Variants in DOCK8 observed in about 807,000 individuals in gnomAD.
DOCK8 encodes the protein dedicator of cytokinesis protein 8.
A neutral mutation model predicts 245.6 loss-of-function variants in DOCK8; 141 were observed. That is an observed-to-expected ratio of 0.57 (90% confidence interval 0.50 to 0.66). DOCK8 has a LOEUF of 0.66. DOCK8 is among the 30% of genes least tolerant of loss of function. The pLI is 0.00. For missense variants in DOCK8, 2,965 were observed against 2,603.4 expected, an observed-to-expected ratio of 1.14 and a Z score of -3.02; for synonymous variants, 1,168 against 970.2, an observed-to-expected ratio of 1.20 and a Z score of -3.79.
chr9:298,756 G>T (rs1029284090), intron 4 of DOCK8, among the ~76,000 whole-genome samples: 3 of 151,786 alleles, frequency 2.0e-5, no homozygotes, highest in Non-Finnish European at 4.4e-5. Flanking sequence ...TATAGTTCTG[G>T]TTGCTAAGCT....
Position 312,066 on chromosome 9 carries a change from T to C in DOCK8, c.641T>C (p.Leu214Pro). Residue 214 changes from leucine to proline, a missense_variant, in exon 6 of 48, where the codon CTG becomes CCG. By Grantham distance (98) the Leu-to-Pro change is moderately conservative. Around this residue, in one of 3 missense-constraint regions of DOCK8, gnomAD observed 2,825 missense variants for 2,453.5 expected, o/e 1.15. Transcript: ENST00000432829. ...CCTGACAAGCGGCTAGAAAACCTCCTGCAGCAAGTGAGTGCCGAGGACTTT... is the reference window on the plus strand; with the variant it reads ...CCTGACAAGCGGCTAGAAAACCTCCCGCAGCAAGTGAGTGCCGAGGACTTT... ...LQPDKRLENL[L>P]QQVSAEDFEK... 6.2e-7 allele frequency: 1 copy of C among 1,614,212 alleles called. No homozygotes were observed. Among genetic ancestry groups the C allele is most frequent in the Non-Finnish European group, 8.5e-7 (1 of 1,180,028 alleles).
At chr9:298,481 A>C (rs2049367018) in intron 4 of DOCK8, among the ~76,000 whole-genome samples, 1 of 152,216 alleles carries the variant, frequency 6.6e-6, no homozygotes, top group Admixed American at 6.5e-5. Flanking sequence ...GATACAGTGC[A>C]TGAACTTTTT....
intron 34 of DOCK8, 72 bp from the exon 35 acceptor site, chr9:428,290 C>A: frequency 6.2e-7 from 1 of 1,610,338 alleles, no homozygotes; most frequent in Non-Finnish European, 8.5e-7. Context: ...CATTACTGAG[C>A]TAATTGTCAG....
At chr9:290,593 C>T (rs1419827473) in intron 4 of DOCK8, among the ~76,000 whole-genome samples, 1 of 152,174 alleles carries the variant, frequency 6.6e-6, no homozygotes, top group Non-Finnish European at 1.5e-5. Context: ...TTTTTCTCTC[C>T]ATGCCATGGA....
At chr9:397,613 C>G (rs2054525550) in intron 25 of DOCK8, among the ~76,000 whole-genome samples, 1 of 151,510 alleles carries the variant, frequency 6.6e-6, no homozygotes, top group Non-Finnish European at 1.5e-5. Context: ...TCGCTTGAGC[C>G]CAGGAGGCGG....
Position 423,778 on chromosome 9 carries a change from C to T in DOCK8, c.4241+1643C>T, listed in dbSNP as rs544009558. 2.6e-5 allele frequency among the ~76,000 whole-genome samples: 4 copies of T among 152,246 alleles called. No homozygotes were observed. The East Asian group carries it at 7.7e-4, about 29-fold the overall frequency. ...TACTTCGGGCAATGAACAACAACTA[C>T]AAAATATGCATGCCGTGGGTGCTAC... On this transcript the variant is annotated intron_variant, in intron 33 of 47. Transcript: ENST00000432829.
intron 1 of DOCK8, among the ~76,000 whole-genome samples, chr9:239,317 A>C (rs948069913): frequency 2.0e-5 from 3 of 152,194 alleles, no homozygotes; most frequent in Non-Finnish European, 2.9e-5. Flanking sequence ...CCTGGAGCTC[A>C]CATTTTCTGG....
intron 39 of DOCK8, 102 bp from the exon 40 acceptor site, chr9:439,143 G>A: frequency 6.9e-7 from 1 of 1,454,016 alleles, no homozygotes. Context: ...GTCTTGGTAA[G>A]GATCTGCACA....
Position 379,840 on chromosome 9 carries a change from T to G in DOCK8, c.2510T>G (p.Leu837Arg). The change falls in exon 21 of 48, where the codon CTG (leucine) becomes CGG (arginine). Residue 837 changes from leucine (L) to arginine (R), a missense_variant. By Grantham distance (102) the Leu-to-Arg change is moderately radical (BLOSUM62 -2). Around this residue, in one of 3 missense-constraint regions of DOCK8, gnomAD observed 2,825 missense variants for 2,453.5 expected, o/e 1.15. Coordinates refer to ENST00000432829, the MANE Select transcript of DOCK8 (RefSeq NM_203447.4). ...AACAGTCTGCACAACAGCAAGGACC[T>G]GAGCAAGGACCAGCATGGGAGGAAC... ...IANSLHNSKD[L>R]SKDQHGRNCL... 1.2e-6 allele frequency: 2 copies of G among 1,614,224 alleles called. No individual in the cohort carries two copies. The highest frequency in any genetic ancestry group is 1.7e-6 in the Non-Finnish European group (2 of 1,180,030).
intron 1 of DOCK8, among the ~76,000 whole-genome samples, chr9:242,283 C>A (rs892778012): frequency 1.3e-5 from 2 of 152,122 alleles, no homozygotes; most frequent in South Asian, 4.1e-4. Context: ...CCAAGCCAAT[C>A]AAAAATGATA....
intron 6 of DOCK8, among the ~76,000 whole-genome samples, chr9:315,916 G>A (rs540470060): frequency 6.6e-6 from 1 of 152,162 alleles, no homozygotes; most frequent in Non-Finnish European, 1.5e-5. Flanking sequence ...AGATATGTCT[G>A]TTCCAATGAT....
At chr9:220,610 G>GT (rs1315088110) in intron 1 of DOCK8, 3 of 285,616 alleles carry the variant, frequency 1.1e-5, no homozygotes, top group South Asian at 2.7e-5. Flanking sequence ...AAAGCATTTA[G>GT]TTTTTTTCAG....
chr9:304,612 A>G lies in DOCK8; in HGVS notation c.436A>G (p.Lys146Glu), dbSNP rs535468013. The change falls in exon 5 of 48, where the codon AAA (lysine) becomes GAA (glutamate). Residue 146 changes from lysine (K) to glutamate (E), a missense_variant. Around this residue, in one of 3 missense-constraint regions of DOCK8, gnomAD observed 2,825 missense variants for 2,453.5 expected, o/e 1.15. Coordinates refer to ENST00000432829, the MANE Select transcript of DOCK8 (RefSeq NM_203447.4). ...AGGAAGTCCAGAAATCTGTGGCTTTAAAAAGACTGGATCTCGAAAAGATTT... is the reference window on the plus strand; with the variant it reads ...AGGAAGTCCAGAAATCTGTGGCTTTGAAAAGACTGGATCTCGAAAAGATTT... ...NQGSPEICGF[K>E]KTGSRKDFHK... 1 of 1,614,206 alleles carries G rather than the reference A, an allele frequency of 6.2e-7. No individual in the cohort carries two copies. The highest frequency in any genetic ancestry group is 2.2e-5 in the East Asian group (1 of 44,888).
At position 334,300 on chromosome 9, in the gene DOCK8, T is replaced by C. The variant is rs1393505525; in HGVS notation, c.1201T>C (p.Phe401Leu). Reference sequence around the variant, plus strand: ...GCGTTTGGGGAAATACCGGATGCCCTTTGCCTGGGCACCCATAAGCTTATC... The same window carrying C: ...GCGTTTGGGGAAATACCGGATGCCCCTTGCCTGGGCACCCATAAGCTTATC... The part of the protein sequence containing the change: ...CQRLGKYRMP[F>L]AWAPISLSSF... The change falls in exon 11 of 48, where the codon TTT (phenylalanine) becomes CTT (leucine). Residue 401 changes from phenylalanine (F) to leucine (L), a missense_variant. Transcript: ENST00000432829. 1 of 1,614,174 alleles carries C rather than the reference T, an allele frequency of 6.2e-7. No individual in the cohort carries two copies. The highest frequency in any genetic ancestry group is 1.1e-5 in the South Asian group (1 of 91,080).
rs2056842408 is a variant in DOCK8 at position 434,871 on chromosome 9, A to G, written c.4975A>G (p.Thr1659Ala). 2 of 1,614,108 alleles carry G rather than the reference A, an allele frequency of 1.2e-6. No individual in the cohort carries two copies. Among genetic ancestry groups the G allele is most frequent in the South Asian group, 1.1e-5 (1 of 91,080 alleles). Residue 1659 changes from threonine (T) to alanine (A), a missense_variant, in exon 39 of 48, where the codon ACG becomes GCG. This residue lies in a region of DOCK8 where 2,825 missense variants were observed against 2,453.5 expected (regional missense o/e 1.15). Coordinates refer to ENST00000432829, the MANE Select transcript of DOCK8 (RefSeq NM_203447.4). ...GAAACACACCAAGAAGAAGTGCTACACGGAGGCTGCCATGTGCCTGGTGCA... is the reference window on the plus strand; with the variant it reads ...GAAACACACCAAGAAGAAGTGCTACGCGGAGGCTGCCATGTGCCTGGTGCA... The part of the protein sequence containing the change: ...AEKHTKKKCY[T>A]EAAMCLVHAA...
rs770270863 is a variant in DOCK8, at chr9:439,408, C to G, written c.5223+20C>G. The G allele has an allele frequency of 2.9e-5, 47 of 1,610,752 alleles. No individual in the cohort carries two copies. The highest frequency in any genetic ancestry group is 4.0e-5 in the Non-Finnish European group (47 of 1,179,894). ...AGCACGGTCAGTGCCCAGAGGGCAT[C>G]CCGGGGCCTGGCCTCCCATACTCCA... On this transcript the variant is annotated intron_variant, in intron 40 of 47. Transcript: ENST00000432829.
chr9:424,078 A>T (rs35345483), intron 33 of DOCK8, among the ~76,000 whole-genome samples: 3,322 of 144,450 alleles, frequency 0.023, 135 homozygotes, highest in African/African-American at 0.084. Flanking sequence ...TTTTTTTTTT[A>T]AAAGGGAAAC....
chr9:242,638 T>C (rs373035880), intron 1 of DOCK8, among the ~76,000 whole-genome samples: 1 of 152,214 alleles, frequency 6.6e-6, no homozygotes, highest in Non-Finnish European at 1.5e-5. Flanking sequence ...AGTACGGTTA[T>C]GCAGTATGTG....
chr9:382,694 G>C lies in DOCK8; in HGVS notation c.2778+9G>C, dbSNP rs781307671. On this transcript the variant is annotated intron_variant, in intron 22 of 47. Coordinates refer to ENST00000432829, the MANE Select transcript of DOCK8 (RefSeq NM_203447.4). ...ACATCATGTCTTCAAAGGTAGGAAA[G>C]ATGTCAAACCGTGGAAGGGGACACA... 1.9e-6 allele frequency: 3 copies of C among 1,613,988 alleles called. No homozygotes were observed. The African/African-American group carries it at 4.0e-5, about 22-fold the overall frequency.
Sources: allele counts gnomAD v4.1 joint callset (sites outside exome capture counted in the v4.1 genomes callset), GRCh38; gene constraint gnomAD v4.1.1; regional missense constraint gnomAD v4.1.1; transcripts MANE v1.5; gene names NCBI Gene and HGNC (gene_info 2026-07-23, HGNC 2026-07-21).